TBL1XR1: variants seen among roughly 807,000 people sequenced by gnomAD.
The protein encoded by TBL1XR1 is F-box-like/WD repeat-containing protein TBL1XR1.
TBL1XR1 carries 5 observed loss-of-function variants against 66.9 expected under a neutral mutation model. That is an observed-to-expected ratio of 0.07 (90% CI 0.04 to 0.16). The LOEUF is 0.16. Ranked by LOEUF, TBL1XR1 falls within the 10% of genes least tolerant of loss-of-function variation. The probability of loss-of-function intolerance (pLI) is 1.00; values close to 1 mark genes in which losing one functional copy is unlikely to be tolerated. For missense variants in TBL1XR1, 238 were observed against 623.2 expected, an observed-to-expected ratio of 0.38 and a Z score of 6.58; for synonymous variants, 210 against 206.0, an observed-to-expected ratio of 1.02 and a Z score of -0.17.
chr3:177,142,083 G>A (rs931727515), intron 1 of TBL1XR1, among the ~76,000 whole-genome samples: 2 of 152,200 alleles, frequency 1.3e-5, no homozygotes. Context: ...AATGGGCACA[G>A]AGTTTCAGTT....
At chr3:177,195,494 C>A (rs1386809808) in intron 1 of TBL1XR1, 1 of 63,982 alleles carries the variant, frequency 1.6e-5, no homozygotes, top group Non-Finnish European at 5.0e-5. Context: ...TAAAATACAT[C>A]AATGTAGCAT....
At chr3:177,116,296 T>C (rs1188650217) in intron 1 of TBL1XR1, among the ~76,000 whole-genome samples, 3 of 152,166 alleles carry the variant, frequency 2.0e-5, no homozygotes, top group Non-Finnish European at 4.4e-5. Context: ...TTTCCTACCT[T>C]GGTGGATGGC....
At chr3:177,119,182 G>A (rs972898635) in intron 1 of TBL1XR1, among the ~76,000 whole-genome samples, 1 of 152,036 alleles carries the variant, frequency 6.6e-6, no homozygotes, top group South Asian at 2.1e-4. Flanking sequence ...ATGTTGGCCG[G>A]GCTGGTCTCC....
chr3:177,129,640 TCAC>T (rs1227692646), intron 1 of TBL1XR1, among the ~76,000 whole-genome samples: 1 of 152,194 alleles, frequency 6.6e-6, no homozygotes, highest in Non-Finnish European at 1.5e-5. Flanking sequence ...TTTGTGAACT[TCAC>T]CATCTGTAGT....
intron 2 of TBL1XR1, among the ~76,000 whole-genome samples, chr3:177,083,386 T>C (rs1163656766): frequency 6.6e-6 from 1 of 152,230 alleles, no homozygotes; most frequent in African/African-American, 2.4e-5. Context: ...TTTTGTCTTC[T>C]TGCTTTTATT....
intron 1 of TBL1XR1, among the ~76,000 whole-genome samples, chr3:177,105,812 G>A (rs1724810344): frequency 6.6e-6 from 1 of 151,976 alleles, no homozygotes; most frequent in African/African-American, 2.4e-5. Flanking sequence ...GCATGTGTGT[G>A]ATTCCAATGG....
At chr3:177,135,158 C>T (rs988434043) in intron 1 of TBL1XR1, among the ~76,000 whole-genome samples, 1 of 150,838 alleles carries the variant, frequency 6.6e-6, no homozygotes, top group Non-Finnish European at 1.5e-5. Context: ...CACACCACCA[C>T]GTCCGACTAA....
At chr3:177,072,612 T>C (rs778681171) in intron 2 of TBL1XR1, among the ~76,000 whole-genome samples, 3 of 152,354 alleles carry the variant, frequency 2.0e-5, no homozygotes, top group African/African-American at 4.8e-5. Context: ...GTTACTTCCG[T>C]TGCATACTAA....
At chr3:177,181,912 C>A (rs1224889508) in intron 1 of TBL1XR1, among the ~76,000 whole-genome samples, 1 of 151,814 alleles carries the variant, frequency 6.6e-6, no homozygotes, top group Admixed American at 6.6e-5. Flanking sequence ...GCCCAAATAA[C>A]ACCCCAATTC....
intron 1 of TBL1XR1, among the ~76,000 whole-genome samples, chr3:177,155,815 G>C (rs1174634634): frequency 6.6e-6 from 1 of 152,102 alleles, no homozygotes; most frequent in Non-Finnish European, 1.5e-5. Flanking sequence ...TTCGAGACCA[G>C]CCTGACCAAC....
intron 2 of TBL1XR1, among the ~76,000 whole-genome samples, chr3:177,080,694 A>T (rs1215311570): frequency 6.6e-6 from 1 of 152,150 alleles, no homozygotes; most frequent in African/African-American, 2.4e-5. Flanking sequence ...TAAGTTTTCT[A>T]TACTGAAAGA....
At chr3:177,153,750 G>A (rs1731169630) in intron 1 of TBL1XR1, among the ~76,000 whole-genome samples, 2 of 151,776 alleles carry the variant, frequency 1.3e-5, no homozygotes, top group Non-Finnish European at 1.5e-5. Flanking sequence ...GGTGGCACGC[G>A]CCTGTAATCC....
chr3:177,140,120 A>G (rs2108816105), intron 1 of TBL1XR1, among the ~76,000 whole-genome samples: 2 of 152,154 alleles, frequency 1.3e-5, no homozygotes, highest in Middle Eastern at 6.8e-3. Flanking sequence ...GGCCAATATG[A>G]TGAAACCACG....
chr3:177,154,566 T>G (rs1731272420), intron 1 of TBL1XR1, among the ~76,000 whole-genome samples: 1 of 152,072 alleles, frequency 6.6e-6, no homozygotes, highest in African/African-American at 2.4e-5. Flanking sequence ...CCAGCTAATT[T>G]TTGTTTTTTT....
chr3:177,071,144 C>A (rs183873479), intron 2 of TBL1XR1, among the ~76,000 whole-genome samples: 65 of 151,260 alleles, frequency 4.3e-4, no homozygotes, highest in Non-Finnish European at 6.8e-4. Context: ...CATTCTACTG[C>A]CTTAGCCTCC....
chr3:177,074,359 G>A (rs114414332), intron 2 of TBL1XR1, among the ~76,000 whole-genome samples: 1 of 152,082 alleles, frequency 6.6e-6, no homozygotes, highest in Admixed American at 6.6e-5. Context: ...CATAAGATAG[G>A]GTTTTCCTTC....
chr3:177,187,894 A>G (rs1560280089), intron 1 of TBL1XR1, among the ~76,000 whole-genome samples: 1 of 149,516 alleles, frequency 6.7e-6, no homozygotes. Flanking sequence ...AAATTTTTAA[A>G]CATTTAAAAA....
chr3:177,081,285 A>G (rs1475476858), intron 2 of TBL1XR1, among the ~76,000 whole-genome samples: 1 of 152,220 alleles, frequency 6.6e-6, no homozygotes, highest in African/African-American at 2.4e-5. Flanking sequence ...TTTCATTTAC[A>G]TGAAATTTAT....
At chr3:177,174,408 CAAAAAAA>C (rs59132617) in intron 1 of TBL1XR1, among the ~76,000 whole-genome samples, 2 of 58,304 alleles carry the variant, frequency 3.4e-5, no homozygotes, top group African/African-American at 6.5e-5. Flanking sequence ...GACTCCATCT[CAAAAAAA>C]AAAAAAAAAA....
Sources: allele counts gnomAD v4.1 joint callset (sites outside exome capture counted in the v4.1 genomes callset), GRCh38; gene constraint gnomAD v4.1.1; transcripts MANE v1.5; gene names NCBI Gene and HGNC (gene_info 2026-07-23, HGNC 2026-07-21).